Variants in NUP50 observed in about 807,000 individuals in gnomAD.
NUP50 encodes the protein nucleoporin 50.
In NUP50, 14 loss-of-function variants were observed where a neutral mutation model predicts 36.8. That is an observed-to-expected ratio of 0.38 (90% CI 0.25 to 0.59). NUP50 has a LOEUF of 0.59. Ranked by LOEUF, NUP50 falls within the 20% of genes least tolerant of loss-of-function variation. NUP50 has a pLI of 0.63. For missense variants in NUP50, 455 were observed against 564.6 expected (o/e 0.81, Z 1.97); for synonymous variants, 195 against 210.8 (o/e 0.93, Z 0.65).
At chr22:45,165,587 C>A (rs145812870) in intron 1 of NUP50, among the ~76,000 whole-genome samples, 16 of 152,278 alleles carry the variant, frequency 1.1e-4, no homozygotes, top group East Asian at 3.9e-4. Context: ...TTCTCCCCCC[C>A]ACTTCTAGCA....
intron 6 of NUP50, 38 bp downstream of exon 6, chr22:45,181,405 C>A (rs754546928): frequency 2.9e-6 from 4 of 1,376,340 alleles, no homozygotes; most frequent in Middle Eastern, 1.8e-4. Flanking sequence ...ATGTGTTTTG[C>A]AGGCATGGTG....
Position 45,171,463 on chromosome 22 carries a change from C to G in NUP50, c.70-137C>G, listed in dbSNP as rs144547127. The G allele has an allele frequency of 4.6e-4, 361 of 788,968 alleles. 2 individuals are homozygous for G. In the African/African-American group the frequency reaches 5.6e-3, roughly 12 times the overall value. The allele number at this position is 788,968 out of a possible 1,614,324, so 48.9% of individuals were successfully genotyped here. On this transcript the variant is annotated intron_variant, in intron 2 of 7. Transcript: ENST00000347635. Reference sequence around the variant, plus strand: ...TCCCAAAGCGCTAGTATTATAGGCGCAAGCCATTGTGCCTGGCCAAAATTT... The same window carrying G: ...TCCCAAAGCGCTAGTATTATAGGCGGAAGCCATTGTGCCTGGCCAAAATTT...
chr22:45,168,002 A>G (rs968748986), intron 1 of NUP50, among the ~76,000 whole-genome samples, 166 bp from the exon 2 acceptor site: 1 of 152,214 alleles, frequency 6.6e-6, no homozygotes, highest in African/African-American at 2.4e-5. Context: ...GGAGCCTAAC[A>G]GCACCAATGT....
chr22:45,176,122 C>G (rs773657383), intron 4 of NUP50, 42 bp downstream of exon 4: 1 of 1,587,164 alleles, frequency 6.3e-7, no homozygotes, highest in South Asian at 1.1e-5. Flanking sequence ...TAAGTATCAT[C>G]TATGGAAAAT....
At chr22:45,171,093 A>C (rs973600232) in intron 2 of NUP50, 3 of 1,295,922 alleles carry the variant, frequency 2.3e-6, no homozygotes, top group Non-Finnish European at 3.0e-6. Flanking sequence ...GTGGAAGAGC[A>C]GTGGTTGTCC....
At chr22:45,173,616 G>A (rs1354716852) in intron 3 of NUP50, among the ~76,000 whole-genome samples, 1 of 152,160 alleles carries the variant, frequency 6.6e-6, no homozygotes, top group Non-Finnish European at 1.5e-5. Context: ...TCGTCATGTG[G>A]GGGATTGAGG....
intron 3 of NUP50, among the ~76,000 whole-genome samples, chr22:45,175,516 C>T (rs1247592137): frequency 6.6e-6 from 1 of 152,126 alleles, no homozygotes; most frequent in Admixed American, 6.5e-5. Flanking sequence ...TGGTCTTTGA[C>T]TGAGTAGTAC....
chr22:45,178,381 G>A lies in NUP50; in HGVS notation c.484G>A (p.Ala162Thr), dbSNP rs762010819. 8.7e-6 allele frequency: 14 copies of A among 1,613,796 alleles called. No homozygotes were observed. The highest frequency in any genetic ancestry group is 2.2e-5 in the East Asian group (1 of 44,890). The change falls in exon 5 of 8, where the codon GCC becomes ACC. Residue 162 changes from alanine to threonine, a missense_variant. Ala to Thr is a moderately conservative substitution (Grantham distance 58). This residue lies in a region of NUP50 where 166 missense variants were observed against 202.8 expected (regional missense o/e 0.82). Transcript: ENST00000347635. Reference sequence around the variant, plus strand: ...AAATGCCTATCACAAGCAGTTGGCCGCCTTGAACTGCTCCGTGCGGGATTG... The same window carrying A: ...AAATGCCTATCACAAGCAGTTGGCCACCTTGAACTGCTCCGTGCGGGATTG... The part of the protein sequence containing the change: ...VGNAYHKQLA[A>T]LNCSVRDWIV...
In NUP50 at chr22:45,164,794, C is replaced by T. The variant is rs1294370183; in HGVS notation, c.-11+498C>T. The T allele has an allele frequency of 1.3e-5, 2 of 152,824 alleles. 1 individual carries two copies. Among genetic ancestry groups the T allele is most frequent in the East Asian group, 3.8e-4 (2 of 5,200 alleles). 9.5% of individuals were successfully genotyped at this position (152,824 alleles called of 1,614,324 possible). On this transcript the variant is annotated intron_variant, in intron 1 of 7. Transcript: ENST00000347635. ...GGCAGGGCTGTCCTGGCGTGGTCTT[C>T]TCCGTTTCCTTCCTAGCGATTCCTC...
rs764802427 is a variant in NUP50 at position 45,184,492 on chromosome 22, C to A, written c.1244C>A (p.Pro415Gln). The A allele has an allele frequency of 6.2e-7, 1 of 1,613,846 alleles. No individual in the cohort carries two copies. Among genetic ancestry groups the A allele is most frequent in the Non-Finnish European group, 8.5e-7 (1 of 1,179,868 alleles). The change falls in exon 8 of 8, where the codon CCA becomes CAA. Residue 415 changes from proline to glutamine, a missense_variant. This residue lies in a region of NUP50 where 287 missense variants were observed against 345.5 expected (regional missense o/e 0.83). Coordinates refer to ENST00000347635, the MANE Select transcript of NUP50 (RefSeq NM_007172.4). ...AACGTTCTGATTCCACCCAATATGC[C>A]ATGTACGCGAACAGGGAAGAATAAC... ...LLNVLIPPNM[P>Q]CTRTGKNNVL...
In NUP50 at chr22:45,171,587, T is replaced by C. The variant is rs2074195077; in HGVS notation, c.70-13T>C. The C allele has an allele frequency of 6.2e-7, 1 of 1,610,040 alleles. No homozygotes were observed. Among genetic ancestry groups the C allele is most frequent in the South Asian group, 1.1e-5 (1 of 91,018 alleles). On this transcript the variant is annotated splice_polypyrimidine_tract_variant and intron_variant, in intron 2 of 7. Transcript: ENST00000347635. ...CTTTATCTTACTGCTGCTTAATTTG[T>C]ATTGTATTGCAGGTGGGAACATTCT...
Position 45,171,473 on chromosome 22 carries a change from T to A in NUP50, c.70-127T>A, listed in dbSNP as rs532792265. 1,238 of 879,130 alleles carry A rather than the reference T, an allele frequency of 1.4e-3. 10 individuals are homozygous for A. The African/African-American group carries it at 0.018, about 13-fold the overall frequency. The allele number at this position is 879,130 out of a possible 1,614,324, so 54.5% of individuals were successfully genotyped here. A position where few individuals can be genotyped will look rare whatever the true frequency, so the allele number is the denominator to read the frequency against. On this transcript the variant is annotated intron_variant, in intron 2 of 7. Coordinates refer to ENST00000347635, the MANE Select transcript of NUP50 (RefSeq NM_007172.4). The stretch of plus-strand genomic sequence containing the variant: ...CTAGTATTATAGGCGCAAGCCATTG[T>A]GCCTGGCCAAAATTTATTTTTGAGA...
chr22:45,181,361 C>T lies in NUP50; in HGVS notation c.1079C>T (p.Ser360Phe). 3.2e-6 allele frequency: 5 copies of T among 1,581,786 alleles called. No homozygotes were observed. Among genetic ancestry groups the T allele is most frequent in the Non-Finnish European group, 4.3e-6 (5 of 1,169,350 alleles). Residue 360 changes from serine (S) to phenylalanine (F), a missense_variant, in exon 6 of 8, where the codon TCC becomes TTC. By Grantham distance (155) the Ser-to-Phe change is radical. This residue lies in a region of NUP50 where 287 missense variants were observed against 345.5 expected (regional missense o/e 0.83). Coordinates refer to ENST00000347635, the MANE Select transcript of NUP50 (RefSeq NM_007172.4). ...TEVKEEDAFY[S>F]KKCKLFYKKD... ...GTAAAAGAAGAAGATGCTTTTTACTCCAAAAAGTAAGAATCCCCACAACCT... is the reference window on the plus strand; with the variant it reads ...GTAAAAGAAGAAGATGCTTTTTACTTCAAAAAGTAAGAATCCCCACAACCT...
Position 45,174,925 on chromosome 22 carries a change from T to A in NUP50, c.154-969T>A, listed in dbSNP as rs185946163. On this transcript the variant is annotated intron_variant, in intron 3 of 7. Coordinates refer to ENST00000347635, the MANE Select transcript of NUP50 (RefSeq NM_007172.4). Reference sequence around the variant, plus strand: ...GAAAAACATGCAGTAATATTTAGGCTGACTGGCCCATTTAGTAAATGAAGG... The same window carrying A: ...GAAAAACATGCAGTAATATTTAGGCAGACTGGCCCATTTAGTAAATGAAGG... Among the ~76,000 whole-genome samples the A allele has an allele frequency of 2.6e-5, 4 of 152,320 alleles. No individual in the cohort carries two copies. In the East Asian group the frequency reaches 5.8e-4, roughly 22 times the overall value.
chr22:45,184,448 T>C lies in NUP50; in HGVS notation c.1205-5T>C, dbSNP rs1457403518. The C allele has an allele frequency of 1.1e-5, 18 of 1,613,750 alleles. No individual in the cohort carries two copies. The highest frequency in any genetic ancestry group is 1.4e-5 in the Non-Finnish European group (17 of 1,179,754). On this transcript the variant is annotated splice_polypyrimidine_tract_variant and splice_region_variant and intron_variant, in intron 7 of 7. Coordinates refer to ENST00000347635, the MANE Select transcript of NUP50 (RefSeq NM_007172.4). The stretch of plus-strand genomic sequence containing the variant: ...TTTTGATGGGTTTTGTTTGTTTGAA[T>C]GCAGGCAACATATTGCTGAACGTTC...
intron 1 of NUP50, among the ~76,000 whole-genome samples, chr22:45,165,587 C>T (rs145812870): frequency 7.9e-5 from 12 of 152,160 alleles, no homozygotes; most frequent in Admixed American, 7.9e-4. Context: ...TTCTCCCCCC[C>T]ACTTCTAGCA....
intron 7 of NUP50, chr22:45,183,765 C>G: frequency 2.3e-6 from 1 of 434,318 alleles, no homozygotes; most frequent in South Asian, 3.0e-5. Flanking sequence ...GACTAAGAAG[C>G]TAGAGATTAG....
intron 5 of NUP50, 151 bp from the exon 6 acceptor site, chr22:45,181,135 T>TTCC (rs2074362976): frequency 8.6e-4 from 94 of 109,390 alleles, no homozygotes; most frequent in South Asian, 1.6e-3. Context: ...CCTTCTGGCA[T>TTCC]CCCCCCCCCC....
chr22:45,164,588 C>T (rs866647321), intron 1 of NUP50: 2 of 138,612 alleles, frequency 1.4e-5, no homozygotes, highest in African/African-American at 5.5e-5. Flanking sequence ...GGGAGGGAGC[C>T]TGGGTCGGGC....
Sources: allele counts gnomAD v4.1 joint callset (sites outside exome capture counted in the v4.1 genomes callset), GRCh38; gene constraint gnomAD v4.1.1; regional missense constraint gnomAD v4.1.1; transcripts MANE v1.5; gene names NCBI Gene and HGNC (gene_info 2026-07-23, HGNC 2026-07-21).